Variants in NLRC5 observed in about 807,000 individuals in gnomAD.
NLRC5 encodes protein NLRC5.
In NLRC5, 114 loss-of-function variants were observed where a neutral mutation model predicts 206.9. The ratio of observed to expected loss-of-function variants is 0.55; its 90% CI spans 0.47 to 0.64. The LOEUF (loss-of-function observed/expected upper bound fraction) is 0.64, where lower values mean the gene tolerates loss of function less well. Among genes scored for constraint, NLRC5 ranks in the 30% least tolerant of loss-of-function variants. NLRC5 has a pLI of 0.00. For missense variants in NLRC5, 2,008 were observed against 2,305.5 expected (o/e 0.87, Z 2.64); for synonymous variants, 952 against 962.8 (o/e 0.99, Z 0.21).
Position 57,055,630 on chromosome 16 carries a change from A to C in NLRC5, c.3746+111A>C. 6.3e-6 allele frequency: 5 copies of C among 790,872 alleles called. No individual in the cohort carries two copies. In the South Asian group the frequency reaches 7.6e-5, roughly 12 times the overall value. 49.0% of individuals were successfully genotyped at this position (790,872 alleles called of 1,614,324 possible). A position where few individuals can be genotyped will look rare whatever the true frequency, so the allele number is the denominator to read the frequency against. On this transcript the variant is annotated intron_variant, in intron 27 of 48. Transcript: ENST00000688547. ...CATACACTCATGTGTGCCTGCCTACACCTCTCAGGACCAGCTGTCAGGGAT... is the reference window on the plus strand; with the variant it reads ...CATACACTCATGTGTGCCTGCCTACCCCTCTCAGGACCAGCTGTCAGGGAT...
At chr16:56,998,751 T>A (rs1302342542) in intron 1 of NLRC5, among the ~76,000 whole-genome samples, 1 of 152,246 alleles carries the variant, frequency 6.6e-6, no homozygotes, top group Non-Finnish European at 1.5e-5. Context: ...TTATACAATG[T>A]GTCTTGTTTA....
At chr16:57,023,214 G>T (rs1349880903) in intron 4 of NLRC5, among the ~76,000 whole-genome samples, 4 of 152,020 alleles carry the variant, frequency 2.6e-5, no homozygotes, top group African/African-American at 9.7e-5. Flanking sequence ...TCCTTTCTGG[G>T]TCCCCTTCCT....
rs1161639398 is a variant in NLRC5 at position 57,013,199 on chromosome 16, T to G, written c.-127-3875T>G. 7.0e-6 allele frequency: 3 copies of G among 431,236 alleles called. No homozygotes were observed. In the Admixed American group the frequency reaches 1.2e-4, roughly 17 times the overall value. The allele number at this position is 431,236 out of a possible 1,614,324, so 26.7% of individuals were successfully genotyped here. On this transcript the variant is annotated intron_variant, in intron 1 of 48. Transcript: ENST00000688547. ...CCAAAGGGATTGACTTCTAACTTCATTAAAGGTTGCGAACAGTATCAAATC... is the reference window on the plus strand; with the variant it reads ...CCAAAGGGATTGACTTCTAACTTCAGTAAAGGTTGCGAACAGTATCAAATC...
At position 57,030,024 on chromosome 16, in the gene NLRC5, C is replaced by A; in HGVS notation, c.2357C>A (p.Thr786Asn). Residue 786 changes from threonine (T) to asparagine (N), a missense_variant, in exon 10 of 49, where the codon ACC (threonine) becomes AAC (asparagine). Coordinates refer to ENST00000688547, the MANE Select transcript of NLRC5 (RefSeq NM_001384950.1). ...DLSSNSICVS[T>N]LLCLARVAVT... ...AGCAGCAACAGCATCTGCGTGTCAA[C>A]CCTACTCTGCTTGGCAAGGGTGGCA... The A allele has an allele frequency of 6.2e-7, 1 of 1,614,196 alleles. No individual in the cohort carries two copies. The highest frequency in any genetic ancestry group is 8.5e-7 in the Non-Finnish European group (1 of 1,180,032).
intron 14 of NLRC5, among the ~76,000 whole-genome samples, chr16:57,036,794 C>T (rs1226682793): frequency 6.6e-6 from 1 of 151,948 alleles, no homozygotes; most frequent in African/African-American, 2.4e-5. Context: ...CATTGTGAAC[C>T]TGGGAAAGTA....
At chr16:57,073,782 T>TG (rs1373963608) in intron 38 of NLRC5, among the ~76,000 whole-genome samples, 2 of 152,128 alleles carry the variant, frequency 1.3e-5, no homozygotes, top group Admixed American at 6.5e-5. Context: ...TTAGTGGAGA[T>TG]GGGGTTTCAC....
At chr16:57,049,456 G>A (rs1482762459) in intron 23 of NLRC5, among the ~76,000 whole-genome samples, 2 of 151,532 alleles carry the variant, frequency 1.3e-5, no homozygotes, top group African/African-American at 2.4e-5. Flanking sequence ...GCCCACTGGC[G>A]GCCCGGCACG....
chr16:57,042,905 C>G (rs758171010), intron 19 of NLRC5, among the ~76,000 whole-genome samples: 1 of 152,130 alleles, frequency 6.6e-6, no homozygotes, highest in Non-Finnish European at 1.5e-5. Context: ...TCAGGGCCTG[C>G]ACCTGGGAAG....
At chr16:57,057,749 A>G (rs2065874702) in intron 27 of NLRC5, among the ~76,000 whole-genome samples, 1 of 152,188 alleles carries the variant, frequency 6.6e-6, no homozygotes, top group Non-Finnish European at 1.5e-5. Context: ...GGGAGGGGAT[A>G]GTAGCAGAGA....
chr16:57,015,942 A>G (rs1229799402), intron 1 of NLRC5, among the ~76,000 whole-genome samples: 2 of 145,094 alleles, frequency 1.4e-5, no homozygotes, highest in Admixed American at 7.0e-5. Context: ...AAAAAAAAAA[A>G]AAAAAAGAAA....
At chr16:57,022,502 T>A (rs1286854168) in intron 4 of NLRC5, among the ~76,000 whole-genome samples, 187 bp downstream of exon 4, 1 of 152,144 alleles carries the variant, frequency 6.6e-6, no homozygotes, top group Admixed American at 6.5e-5. Flanking sequence ...CAGCCCCACC[T>A]CCTCCTGCAG....
intron 5 of NLRC5, 118 bp from the exon 6 acceptor site, chr16:57,025,250 C>G: frequency 6.8e-7 from 1 of 1,460,492 alleles, no homozygotes; most frequent in Non-Finnish European, 9.0e-7. Flanking sequence ...CCCACCCTCA[C>G]CCCATCATAC....
At position 57,070,555 on chromosome 16, in the gene NLRC5, A is replaced by T; in HGVS notation, c.4604A>T (p.Asp1535Val). Residue 1535 changes from aspartate to valine, a missense_variant, in exon 38 of 49, where the codon GAT (aspartate) becomes GTT (valine). Transcript: ENST00000688547. ...TGCAGCTTGTCTAACAATCAATTTGATGAGGAGGGCACCAAGGCGCTGATG... is the reference window on the plus strand; with the variant it reads ...TGCAGCTTGTCTAACAATCAATTTGTTGAGGAGGGCACCAAGGCGCTGATG... ...EELDLSNNQF[D>V]EEGTKALMRA... 1 of 1,614,026 alleles carries T rather than the reference A, an allele frequency of 6.2e-7. No homozygotes were observed. The highest frequency in any genetic ancestry group is 8.5e-7 in the Non-Finnish European group (1 of 1,179,976).
chr16:57,044,043 A>G (rs996961334), intron 20 of NLRC5, among the ~76,000 whole-genome samples: 28 of 152,162 alleles, frequency 1.8e-4, no homozygotes, highest in Middle Eastern at 3.4e-3. Context: ...TCACGCCTGT[A>G]ATCCCAGCAT....
chr16:56,994,672 T>G (rs145954724), intron 1 of NLRC5, among the ~76,000 whole-genome samples: 1 of 151,632 alleles, frequency 6.6e-6, no homozygotes, highest in Non-Finnish European at 1.5e-5. Flanking sequence ...GAAGGGAGCG[T>G]GGCAGGGAAC....
At chr16:57,022,336 G>A (rs2060765737) in intron 4 of NLRC5, 21 bp downstream of exon 4, 2 of 1,601,992 alleles carry the variant, frequency 1.2e-6, no homozygotes, top group African/African-American at 1.3e-5. Context: ...GAGTTGGGGG[G>A]TGGGAAGGGG....
Position 57,055,049 on chromosome 16 carries a change from C to T in NLRC5, c.3614C>T (p.Thr1205Ile), listed in dbSNP as rs1283496487. ...KVDLRSLHHA[T>I]LHFRSNEEEE... Reference sequence around the variant, plus strand: ...TGATCCAGGTCCCTGCACCATGCAACTTTGCACTTCAGATCCAACGAGGAG... The same window carrying T: ...TGATCCAGGTCCCTGCACCATGCAATTTTGCACTTCAGATCCAACGAGGAG... The change falls in exon 26 of 49, where the codon ACT (threonine) becomes ATT (isoleucine). Residue 1205 changes from threonine (T) to isoleucine (I), a missense_variant. Coordinates refer to ENST00000688547, the MANE Select transcript of NLRC5 (RefSeq NM_001384950.1). 6.2e-7 allele frequency: 1 copy of T among 1,614,244 alleles called. No homozygotes were observed. Among genetic ancestry groups the T allele is most frequent in the Non-Finnish European group, 8.5e-7 (1 of 1,180,044 alleles).
At chr16:57,078,475 T>G (rs1487612685) in intron 43 of NLRC5, among the ~76,000 whole-genome samples, 27 of 144,550 alleles carry the variant, frequency 1.9e-4, no homozygotes, top group African/African-American at 2.1e-4. Context: ...TGTTTTTTTT[T>G]TTTTTTTTTT....
In NLRC5 at chr16:57,040,567, T is replaced by A. The variant is rs1470867362; in HGVS notation, c.2871-83T>A. 3.7e-6 allele frequency: 5 copies of A among 1,361,528 alleles called. No homozygotes were observed. The Admixed American group carries it at 8.4e-5, about 23-fold the overall frequency. The allele number at this position is 1,361,528 out of a possible 1,614,324, so 84.3% of individuals were successfully genotyped here. Reference sequence around the variant, plus strand: ...ACTCTAGGTGGAGGATAGGGCTCGATGGTGGAAGGCCAGGCTGAGGATGGA... The same window carrying A: ...ACTCTAGGTGGAGGATAGGGCTCGAAGGTGGAAGGCCAGGCTGAGGATGGA... On this transcript the variant is annotated intron_variant, in intron 16 of 48. Coordinates refer to ENST00000688547, the MANE Select transcript of NLRC5 (RefSeq NM_001384950.1).
Sources: gnomAD v4.1 joint callset for allele counts (sites outside exome capture counted in the v4.1 genomes callset) on GRCh38, gnomAD v4.1.1 for gene constraint, MANE v1.5 for transcripts, NCBI Gene and HGNC (gene_info 2026-07-23, HGNC 2026-07-21) for gene names.